The following PHACTR1 variants were observed in gnomAD, a reference collection of about 807,000 sequenced individuals.
PHACTR1 encodes phosphatase and actin regulator 1, also known as RPEL repeat containing 1.
A neutral mutation model predicts 69.2 loss-of-function variants in PHACTR1; 16 were observed. The observed-to-expected ratio is 0.23, with a 90% CI of 0.16 to 0.35. The LOEUF (loss-of-function observed/expected upper bound fraction) is 0.35, where lower values mean the gene tolerates loss of function less well. PHACTR1 is among the 10% of genes least tolerant of loss of function. The pLI is 1.00. For synonymous variants in PHACTR1, 312 were observed against 284.5 expected, an observed-to-expected ratio of 1.10 and a Z score of -0.97; for missense variants, 510 against 734.7, an observed-to-expected ratio of 0.69 and a Z score of 3.54.
Position 12,756,042 on chromosome 6 carries a change from G to A in PHACTR1, c.250+6252G>A, listed in dbSNP as rs1322814168. 5.9e-5 allele frequency among the ~76,000 whole-genome samples: 9 copies of A among 152,180 alleles called. No homozygotes were observed. In the East Asian group the frequency reaches 1.2e-3, roughly 20 times the overall value. On this transcript the variant is annotated intron_variant, in intron 4 of 14. Transcript: ENST00000332995. ...ATCACCTACCAGTCATAATAAATGC[G>A]GCAGAGGCACATTAATACATTTTCA...
intron 4 of PHACTR1, among the ~76,000 whole-genome samples, chr6:12,981,066 C>T (rs1795468614): frequency 6.6e-6 from 1 of 152,190 alleles, no homozygotes; most frequent in South Asian, 2.1e-4. Context: ...ATCAGAAGTC[C>T]TCAGATATGC....
chr6:12,870,154 A>G (rs1380340432), intron 4 of PHACTR1, among the ~76,000 whole-genome samples: 1 of 152,056 alleles, frequency 6.6e-6, no homozygotes, highest in Admixed American at 6.6e-5. Context: ...CTTCCCCTGT[A>G]TCAACAACAT....
intron 4 of PHACTR1, among the ~76,000 whole-genome samples, chr6:12,871,322 G>A (rs76033639): frequency 6.6e-6 from 1 of 151,992 alleles, no homozygotes; most frequent in Non-Finnish European, 1.5e-5. Context: ...GCCTCAAAAC[G>A]CTTCCCTGTG....
At chr6:12,956,606 G>T (rs1791927324) in intron 4 of PHACTR1, among the ~76,000 whole-genome samples, 2 of 152,118 alleles carry the variant, frequency 1.3e-5, no homozygotes, top group Non-Finnish European at 2.9e-5. Context: ...GTTGTCCCTT[G>T]GGCATTATGC....
At chr6:13,081,942 A>G (rs545570747) in intron 5 of PHACTR1, among the ~76,000 whole-genome samples, 156 of 152,324 alleles carry the variant, frequency 1.0e-3, no homozygotes, top group African/African-American at 3.4e-3. Flanking sequence ...TGTCTCTTTC[A>G]TCATTGCTGT....
chr6:12,827,743 T>A (rs1776961234), intron 4 of PHACTR1, among the ~76,000 whole-genome samples: 1 of 152,210 alleles, frequency 6.6e-6, no homozygotes, highest in Admixed American at 6.5e-5. Flanking sequence ...CCACTTTTCC[T>A]GAAAAGACTG....
At chr6:13,222,053 A>G (rs1768752936) in intron 8 of PHACTR1, among the ~76,000 whole-genome samples, 1 of 151,942 alleles carries the variant, frequency 6.6e-6, no homozygotes, top group African/African-American at 2.4e-5. Flanking sequence ...AAAAAGAATG[A>G]ACAAAGACTC....
intron 7 of PHACTR1, among the ~76,000 whole-genome samples, chr6:13,195,869 A>G (rs1413839315): frequency 6.6e-6 from 1 of 152,036 alleles, no homozygotes; most frequent in Non-Finnish European, 1.5e-5. Flanking sequence ...ATACGGCACA[A>G]GGACCAACTT....
In PHACTR1 at chr6:13,283,197, A is replaced by AT. The variant is rs1354739157; in HGVS notation, c.1510-224dup. The AT allele has an allele frequency of 1.9e-5, 9 of 485,496 alleles. No individual in the cohort carries two copies. Among genetic ancestry groups the AT allele is most frequent in the Non-Finnish European group, 3.3e-5 (9 of 275,148 alleles). 30.1% of individuals were successfully genotyped at this position (485,496 alleles called of 1,614,324 possible). Reference sequence around the variant, plus strand: ...GCTTGGCCTAGAGGGTATGTAAGGGATAACAAAGCTCTCTCTTAGGACCTA... The same window carrying AT: ...GCTTGGCCTAGAGGGTATGTAAGGGATTAACAAAGCTCTCTCTTAGGACCTA... On this transcript the variant is annotated intron_variant, in intron 12 of 14. Coordinates refer to ENST00000332995, the MANE Select transcript of PHACTR1 (RefSeq NM_030948.6). The surrounding 1 kb of genome is among the most constrained non-coding windows in gnomAD (Gnocchi z 4.7).
chr6:12,919,066 G>T (rs1787342899), intron 4 of PHACTR1, among the ~76,000 whole-genome samples: 1 of 152,086 alleles, frequency 6.6e-6, no homozygotes, highest in Non-Finnish European at 1.5e-5. Context: ...GAGCTCAAGT[G>T]ATCCACTTGC....
At chr6:12,879,518 A>C (rs1375118319) in intron 4 of PHACTR1, among the ~76,000 whole-genome samples, 1 of 152,044 alleles carries the variant, frequency 6.6e-6, no homozygotes, top group Non-Finnish European at 1.5e-5. Flanking sequence ...TTGTCTTCTT[A>C]TTCTTTTTTT....
Position 13,182,602 on chromosome 6 carries a change from C to T in PHACTR1, c.580C>T (p.Leu194=). 6.2e-7 allele frequency: 1 copy of T among 1,613,034 alleles called. No individual in the cohort carries two copies. Among genetic ancestry groups the T allele is most frequent in the Non-Finnish European group, 8.5e-7 (1 of 1,179,482 alleles). ...CTCCAGCCAGCTGTCTCTGCCTGCC[C>T]TGTCCGAAATGGAGCCAGTCCCAAT... ...LSSSQLSLPA[L]SEMEPVPMPR... The change falls in exon 7 of 15, where the codon CTG becomes TTG. Residue 194 remains leucine, a synonymous_variant. Coordinates refer to ENST00000332995, the MANE Select transcript of PHACTR1 (RefSeq NM_030948.6).
chr6:12,725,133 T>G (rs1297353595), intron 3 of PHACTR1, among the ~76,000 whole-genome samples: 1 of 152,120 alleles, frequency 6.6e-6, no homozygotes, highest in East Asian at 1.9e-4. Flanking sequence ...ACAGAGGAAT[T>G]CATCCAAACC....
rs758812418 is a variant in PHACTR1 at position 13,205,903 on chromosome 6, G to T, written c.753G>T (p.Val251=). 60 of 1,613,180 alleles carry T rather than the reference G, an allele frequency of 3.7e-5. No homozygotes were observed. The highest frequency in any genetic ancestry group is 4.5e-5 in the Non-Finnish European group (53 of 1,179,278). ...PPKKVMICMP[V]GGPDLSLVSY... ...AGAAAGTCATGATCTGTATGCCCGTGGGGGGGCCAGACCTCTCACTGGTGT... is the reference window on the plus strand; with the variant it reads ...AGAAAGTCATGATCTGTATGCCCGTTGGGGGGCCAGACCTCTCACTGGTGT... The change falls in exon 8 of 15, where the codon GTG becomes GTT. Residue 251 remains valine, a synonymous_variant. Transcript: ENST00000332995.
chr6:13,094,233 A>G (rs1561821385), intron 5 of PHACTR1, among the ~76,000 whole-genome samples: 1 of 152,012 alleles, frequency 6.6e-6, no homozygotes, highest in Non-Finnish European at 1.5e-5. Flanking sequence ...CTATTTTAAA[A>G]TCAAAACATA....
chr6:13,217,781 C>A (rs1023532985), intron 8 of PHACTR1, among the ~76,000 whole-genome samples: 2 of 152,236 alleles, frequency 1.3e-5, no homozygotes, highest in Non-Finnish European at 2.9e-5. Context: ...TGATAAACCA[C>A]ACAATGTATG....
chr6:13,030,221 G>GT (rs35305723), intron 4 of PHACTR1, among the ~76,000 whole-genome samples: 81,083 of 151,924 alleles, frequency 0.53, 22,386 homozygotes, highest in East Asian at 0.83. Flanking sequence ...TGCAACAGAC[G>GT]TTTTATTTGC....
chr6:12,721,381 C>CAA (rs11453186), intron 3 of PHACTR1, among the ~76,000 whole-genome samples: 27 of 143,424 alleles, frequency 1.9e-4, no homozygotes, highest in Admixed American at 8.3e-4. Context: ...GAGATTCTGT[C>CAA]AAAAAAAAAA....
intron 4 of PHACTR1, among the ~76,000 whole-genome samples, chr6:12,974,552 G>A (rs1434950801): frequency 6.6e-6 from 1 of 152,158 alleles, no homozygotes; most frequent in Non-Finnish European, 1.5e-5. Flanking sequence ...GTGACCTTGA[G>A]ATCAGTTTGT....
Sources: allele counts gnomAD v4.1 joint callset (sites outside exome capture counted in the v4.1 genomes callset), GRCh38; gene constraint gnomAD v4.1.1; non-coding constraint Gnocchi (gnomAD v3.1); transcripts MANE v1.5; gene names NCBI Gene and HGNC (gene_info 2026-07-23, HGNC 2026-07-21).